KLHDC4: variants seen among roughly 807,000 people sequenced by gnomAD.
KLHDC4 encodes the protein kelch domain containing 4.
A neutral mutation model predicts 62.4 loss-of-function variants in KLHDC4; 90 were observed. The ratio of observed to expected loss-of-function variants is 1.44; its 90% confidence interval spans 1.22 to 1.72. The LOEUF (loss-of-function observed/expected upper bound fraction) is 1.72, where lower values mean the gene tolerates loss of function less well. Ranked by LOEUF, KLHDC4 falls within the 40% of genes most tolerant of loss-of-function variation. The pLI is 0.00. For missense variants in KLHDC4, 1,025 were observed against 699.7 expected (o/e 1.47, Z -5.25); for synonymous variants, 386 against 284.4 (o/e 1.36, Z -3.59).
chr16:87,744,938 T>G (rs1166535911), intron 5 of KLHDC4, among the ~76,000 whole-genome samples: 1 of 152,146 alleles, frequency 6.6e-6, no homozygotes. Context: ...GACAGGCACA[T>G]GCACTCACAT....
intron 7 of KLHDC4, among the ~76,000 whole-genome samples, chr16:87,720,065 T>C (rs776788282): frequency 2.5e-4 from 38 of 152,196 alleles, no homozygotes; most frequent in Non-Finnish European, 4.9e-4. Context: ...TCAATGCAGC[T>C]GCTTTGGCTC....
At chr16:87,737,019 G>A (rs2041430337) in intron 5 of KLHDC4, among the ~76,000 whole-genome samples, 1 of 149,422 alleles carries the variant, frequency 6.7e-6, no homozygotes, top group African/African-American at 2.5e-5. Context: ...CAGCTACTTG[G>A]GAGGCTGAGG....
chr16:87,759,925 G>A (rs541950938), intron 2 of KLHDC4, among the ~76,000 whole-genome samples: 2 of 152,310 alleles, frequency 1.3e-5, no homozygotes, highest in South Asian at 2.1e-4. Flanking sequence ...CGCACAGGCA[G>A]GTGAGGTACT....
At position 87,714,545 on chromosome 16, in the gene KLHDC4, G is replaced by A. The variant is rs748940126; in HGVS notation, c.788C>T (p.Thr263Ile). The change falls in exon 8 of 12, where the codon ACA becomes ATA. Residue 263 changes from threonine to isoleucine, a missense_variant. Thr to Ile is a moderately conservative substitution (Grantham distance 89, BLOSUM62 -1). Coordinates refer to ENST00000270583, the MANE Select transcript of KLHDC4 (RefSeq NM_017566.4). ...QRVKKDVDKG[T>I]RHSDMFLLKP... ...CAGCAGGAACATGTCTGAGTGCCGT[G>A]TGCCCTTGTCCACGTCTTTCTTAAC... is the stretch of plus-strand genomic sequence containing the variant. The A allele has an allele frequency of 6.2e-7, 1 of 1,614,048 alleles. No homozygotes were observed. The highest frequency in any genetic ancestry group is 1.3e-5 in the African/African-American group (1 of 74,932).
intron 7 of KLHDC4, among the ~76,000 whole-genome samples, chr16:87,719,248 G>GA (rs1317643964): frequency 2.0e-5 from 3 of 152,264 alleles, no homozygotes; most frequent in Non-Finnish European, 2.9e-5. Flanking sequence ...GTGGGGAAAA[G>GA]AAAGAGAGAT....
chr16:87,765,196 C>A (rs956056133), intron 1 of KLHDC4: 6 of 456,054 alleles, frequency 1.3e-5, no homozygotes, highest in African/African-American at 1.2e-4. Flanking sequence ...GATCCTCCTG[C>A]AGACCCCGGG....
chr16:87,714,605 G>T, intron 7 of KLHDC4, 32 bp from the exon 8 acceptor site: 1 of 1,612,686 alleles, frequency 6.2e-7, no homozygotes, highest in Non-Finnish European at 8.5e-7. Context: ...TGAGAACCGG[G>T]GGCAGCTACA....
chr16:87,734,325 T>C (rs1055224167), intron 5 of KLHDC4, among the ~76,000 whole-genome samples: 22 of 151,686 alleles, frequency 1.5e-4, no homozygotes, highest in African/African-American at 3.2e-4. Flanking sequence ...GTCTGGGCGA[T>C]AGAGCAAGAC....
chr16:87,764,870 G>C (rs965636034), intron 1 of KLHDC4, among the ~76,000 whole-genome samples: 3 of 151,254 alleles, frequency 2.0e-5, no homozygotes, highest in Non-Finnish European at 2.9e-5. Flanking sequence ...TAAGAGGAGT[G>C]TGAGGGAAAA....
intron 6 of KLHDC4, among the ~76,000 whole-genome samples, chr16:87,728,605 TAC>T (rs1368094961): frequency 6.6e-6 from 1 of 152,224 alleles, no homozygotes; most frequent in African/African-American, 2.4e-5. Flanking sequence ...CTCACTGTCC[TAC>T]ACATAGTAGG....
chr16:87,714,871 C>G, intron 7 of KLHDC4, among the ~76,000 whole-genome samples: 1 of 152,206 alleles, frequency 6.6e-6, no homozygotes, highest in East Asian at 1.9e-4. Flanking sequence ...GTGTGGAAAC[C>G]ACCACAGGGG....
At position 87,744,874 on chromosome 16, in the gene KLHDC4, C is replaced by T. The variant is rs1221189596; in HGVS notation, c.506+3799G>A. Among the ~76,000 whole-genome samples, 6 of 152,174 alleles carry T rather than the reference C, an allele frequency of 3.9e-5. 1 individual carries two copies. Among genetic ancestry groups the T allele is most frequent in the Non-Finnish European group, 7.3e-5 (5 of 68,038 alleles). On this transcript the variant is annotated intron_variant, in intron 5 of 11. Transcript: ENST00000270583. ...GCACACACTTGCAAGTGCACACACACGAGCACACACACGCTCACACGCATG... is the reference window on the plus strand; with the variant it reads ...GCACACACTTGCAAGTGCACACACATGAGCACACACACGCTCACACGCATG...
chr16:87,759,762 T>G (rs2045580106), intron 2 of KLHDC4, among the ~76,000 whole-genome samples: 1 of 152,110 alleles, frequency 6.6e-6, no homozygotes, highest in Non-Finnish European at 1.5e-5. Context: ...TAAAGAGTGT[T>G]TCCCAAATTC....
chr16:87,720,185 G>A (rs2142993704), intron 7 of KLHDC4, among the ~76,000 whole-genome samples: 2 of 152,370 alleles, frequency 1.3e-5, no homozygotes, highest in South Asian at 4.1e-4. Context: ...CACAGAATGG[G>A]CCGGCGGTGC....
At chr16:87,712,366 G>A (rs1200437558) in intron 8 of KLHDC4, among the ~76,000 whole-genome samples, 1 of 152,160 alleles carries the variant, frequency 6.6e-6, no homozygotes, top group Non-Finnish European at 1.5e-5. Context: ...TGGCTCTGGG[G>A]CCCCCGCCTC....
exon 1 of KLHDC4, chr16:87,702,570 T>C (rs2034196013): frequency 2.9e-6 from 1 of 343,938 alleles, no homozygotes; most frequent in African/African-American, 2.1e-5. Flanking sequence ...CTGACCTCTC[T>C]AGCAGGACTC....
chr16:87,761,985 T>G lies in KLHDC4; in HGVS notation c.155A>C (p.Gln52Pro), dbSNP rs761183655. The G allele has an allele frequency of 1.2e-6, 2 of 1,614,050 alleles. No homozygotes were observed. The highest frequency in any genetic ancestry group is 2.2e-5 in the East Asian group (1 of 44,870). Residue 52 changes from glutamine to proline, a missense_variant, in exon 2 of 12, where the codon CAG becomes CCG. Coordinates refer to ENST00000270583, the MANE Select transcript of KLHDC4 (RefSeq NM_017566.4). ...TGGGGGGCACGGAAGTTCCACAGTC[T>G]GAGTCCTCTTGGCATCGAGTGTCTG... ...HFQTLDAKRT[Q>P]TVELPCPPPS... is the part of the protein sequence containing the mutation.
At chr16:87,725,320 C>A (rs1171333170) in intron 7 of KLHDC4, among the ~76,000 whole-genome samples, 1 of 152,178 alleles carries the variant, frequency 6.6e-6, no homozygotes, top group East Asian at 1.9e-4. Flanking sequence ...CGCCCGCCAC[C>A]ACGCCCGGCT....
intron 7 of KLHDC4, among the ~76,000 whole-genome samples, chr16:87,719,420 G>A (rs1597459661): frequency 6.6e-6 from 1 of 152,110 alleles, no homozygotes; most frequent in Non-Finnish European, 1.5e-5. Flanking sequence ...GGGTTAAATG[G>A]ATTAAGGGCG....
Sources: gnomAD v4.1 joint callset for allele counts (sites outside exome capture counted in the v4.1 genomes callset) on GRCh38, gnomAD v4.1.1 for gene constraint, MANE v1.5 for transcripts, NCBI Gene and HGNC (gene_info 2026-07-23, HGNC 2026-07-21) for gene names.